VAT1L: variants seen among roughly 807,000 people sequenced by gnomAD.
VAT1L encodes putative NADPH-dependent quinone oxidoreductase VAT1L.
A neutral mutation model predicts 44.1 loss-of-function variants in VAT1L; 34 were observed. The observed-to-expected ratio is 0.77, with a 90% CI of 0.59 to 1.03. VAT1L has a LOEUF of 1.03. Among genes scored for constraint, VAT1L ranks in the 50% least tolerant of loss-of-function variants. The pLI is 0.00. For synonymous variants in VAT1L, 253 were observed against 202.2 expected, an observed-to-expected ratio of 1.25 and a Z score of -2.13; for missense variants, 615 against 538.8, an observed-to-expected ratio of 1.14 and a Z score of -1.40.
At chr16:77,830,626 C>T (rs2016568882) in intron 3 of VAT1L, among the ~76,000 whole-genome samples, 5 of 152,196 alleles carry the variant, frequency 3.3e-5, no homozygotes, top group African/African-American at 1.2e-4. Flanking sequence ...TCCTCCTTTG[C>T]CTTCCACCAT....
At chr16:77,898,065 T>C (rs80245650) in intron 7 of VAT1L, among the ~76,000 whole-genome samples, 6,682 of 152,194 alleles carry the variant, frequency 0.044, 515 homozygotes, top group African/African-American at 0.15. Context: ...GCATCTCTCT[T>C]AGGTCTGGCA....
chr16:77,929,949 T>A (rs1005838355), intron 7 of VAT1L, among the ~76,000 whole-genome samples: 1 of 152,062 alleles, frequency 6.6e-6, no homozygotes, highest in South Asian at 2.1e-4. Flanking sequence ...CACAGCGAGT[T>A]CTCCAAGTCA....
At chr16:77,962,588 A>G (rs1003311243) in intron 7 of VAT1L, among the ~76,000 whole-genome samples, 5 of 151,870 alleles carry the variant, frequency 3.3e-5, no homozygotes, top group African/African-American at 9.7e-5. Context: ...ATAATCCTAT[A>G]AGGAAAGAAA....
intron 8 of VAT1L, among the ~76,000 whole-genome samples, chr16:77,974,078 C>G (rs1187926756): frequency 6.6e-6 from 1 of 152,132 alleles, no homozygotes; most frequent in South Asian, 2.1e-4. Flanking sequence ...TTGGGTATGA[C>G]AGTCATTTCA....
In VAT1L at chr16:77,822,293, C is replaced by A. The variant is rs545659143; in HGVS notation, c.364-2953C>A. 1.6e-4 allele frequency among the ~76,000 whole-genome samples: 25 copies of A among 152,262 alleles called. No individual in the cohort carries two copies. The East Asian group carries it at 4.3e-3, about 26-fold the overall frequency. On this transcript the variant is annotated intron_variant, in intron 2 of 8. Coordinates refer to ENST00000302536, the MANE Select transcript of VAT1L (RefSeq NM_020927.3). ...GGGATTACAGATATGGGCCACCACA[C>A]CTGGCTAATTTTGTATTTTTAGTAG... is the stretch of plus-strand genomic sequence containing the variant.
intron 7 of VAT1L, among the ~76,000 whole-genome samples, chr16:77,896,310 C>G (rs917425688): frequency 2.0e-5 from 3 of 152,230 alleles, no homozygotes; most frequent in African/African-American, 7.2e-5. Context: ...CCATTCCTCC[C>G]TCTTGCCATT....
chr16:77,907,299 G>A (rs986030974), intron 7 of VAT1L, among the ~76,000 whole-genome samples: 1 of 152,202 alleles, frequency 6.6e-6, no homozygotes, highest in East Asian at 1.9e-4. Context: ...GGCCTGAAGG[G>A]CAGATTCCAC....
chr16:77,974,481 T>C (rs2018314182), intron 8 of VAT1L, among the ~76,000 whole-genome samples: 1 of 152,218 alleles, frequency 6.6e-6, no homozygotes, highest in African/African-American at 2.4e-5. Flanking sequence ...CTGGAGCAGA[T>C]GCTGAAAAAT....
At chr16:77,864,620 A>G (rs572388289) in intron 4 of VAT1L, among the ~76,000 whole-genome samples, 3 of 152,254 alleles carry the variant, frequency 2.0e-5, no homozygotes, top group African/African-American at 7.2e-5. Context: ...AAGGGAAACA[A>G]TTTTCTTCAA....
chr16:77,902,442 A>C (rs1385162714), intron 7 of VAT1L, among the ~76,000 whole-genome samples: 1 of 152,236 alleles, frequency 6.6e-6, no homozygotes, highest in East Asian at 1.9e-4. Flanking sequence ...ATTCTTCTTA[A>C]CCCAATAAAT....
At chr16:77,894,565 A>T (rs761759530) in intron 7 of VAT1L, among the ~76,000 whole-genome samples, 39 of 152,066 alleles carry the variant, frequency 2.6e-4, no homozygotes, top group Non-Finnish European at 5.6e-4. Context: ...ACTTGGAGAG[A>T]ATGGAGAGGA....
At chr16:77,941,491 A>G (rs1263540115) in intron 7 of VAT1L, among the ~76,000 whole-genome samples, 2 of 152,236 alleles carry the variant, frequency 1.3e-5, no homozygotes, top group African/African-American at 2.4e-5. Flanking sequence ...GCATGCATGT[A>G]TCTTCATGAC....
At chr16:77,831,854 C>T (rs1408038408) in intron 3 of VAT1L, among the ~76,000 whole-genome samples, 1 of 151,936 alleles carries the variant, frequency 6.6e-6, no homozygotes, top group Non-Finnish European at 1.5e-5. Context: ...CTCACTCTGT[C>T]ACCCAGGCTG....
chr16:77,880,969 G>A (rs545402892), intron 6 of VAT1L, among the ~76,000 whole-genome samples: 41 of 152,156 alleles, frequency 2.7e-4, no homozygotes, highest in Non-Finnish European at 2.4e-4. Flanking sequence ...TGGTGTATAC[G>A]TCTCACATTT....
chr16:77,933,810 A>C (rs1050932406), intron 7 of VAT1L, among the ~76,000 whole-genome samples: 1 of 152,226 alleles, frequency 6.6e-6, no homozygotes, highest in Non-Finnish European at 1.5e-5. Flanking sequence ...GAAGGGGACA[A>C]CAGTAAATGA....
At chr16:77,968,445 G>A (rs1408692572) in intron 7 of VAT1L, among the ~76,000 whole-genome samples, 1 of 152,216 alleles carries the variant, frequency 6.6e-6, no homozygotes. Context: ...AAGAGCATGG[G>A]CTGGGCGCGG....
In VAT1L at chr16:77,894,797, G is replaced by A. The variant is rs543450227; in HGVS notation, c.1077+9995G>A. ...TACACGTATATTACACATGAGAAAG[G>A]GAGAGATTGAAGGGCTGTTTAATGC... On this transcript the variant is annotated intron_variant, in intron 7 of 8. Coordinates refer to ENST00000302536, the MANE Select transcript of VAT1L (RefSeq NM_020927.3). Among the ~76,000 whole-genome samples, 26 of 152,200 alleles carry A rather than the reference G, an allele frequency of 1.7e-4. No homozygotes were observed. In the East Asian group the frequency reaches 3.1e-3, roughly 18 times the overall value.
chr16:77,832,852 T>C (rs2016595144), intron 3 of VAT1L, among the ~76,000 whole-genome samples: 1 of 152,210 alleles, frequency 6.6e-6, no homozygotes, highest in African/African-American at 2.4e-5. Context: ...CATCTTATCA[T>C]TAAGCCACAA....
At chr16:77,849,349 A>G (rs2016786719) in intron 3 of VAT1L, among the ~76,000 whole-genome samples, 1 of 152,210 alleles carries the variant, frequency 6.6e-6, no homozygotes, top group Admixed American at 6.5e-5. Context: ...GGAGGGGAAA[A>G]TGTGAAGAAA....
Sources: gnomAD v4.1 joint callset for allele counts (sites outside exome capture counted in the v4.1 genomes callset) on GRCh38, gnomAD v4.1.1 for gene constraint, MANE v1.5 for transcripts, NCBI Gene and HGNC (gene_info 2026-07-23, HGNC 2026-07-21) for gene names.